The following GRIA3 variants were observed in gnomAD, a reference collection of about 807,000 sequenced individuals.
The protein encoded by GRIA3 is glutamate receptor 3.
GRIA3 carries 3 observed loss-of-function variants against 63.0 expected under a neutral mutation model. That is an observed-to-expected ratio of 0.05 (90% CI 0.02 to 0.12). The LOEUF (loss-of-function observed/expected upper bound fraction) is 0.12. Among genes scored for constraint, GRIA3 ranks in the 10% least tolerant of loss-of-function variants. GRIA3 has a pLI of 1.00. For synonymous variants in GRIA3, 274 were observed against 257.9 expected (o/e 1.06, Z -0.60); for missense variants, 347 against 700.9 (o/e 0.50, Z 5.70).
intron 4 of GRIA3, among the ~76,000 whole-genome samples, chrX:123,327,470 C>T (rs919849408): frequency 2.7e-5 from 3 of 111,418 alleles, no homozygotes; most frequent in Admixed American, 1.9e-4. Flanking sequence ...GCCAAAACAG[C>T]TTCAGAGATT....
At chrX:123,291,139 G>A (rs999108456) in intron 3 of GRIA3, among the ~76,000 whole-genome samples, 1 of 111,453 alleles carries the variant, frequency 9.0e-6, no homozygotes. Flanking sequence ...GATCAGGAAA[G>A]ACCTGAAACT....
chrX:123,345,286 A>C (rs2045037999), intron 4 of GRIA3, among the ~76,000 whole-genome samples: 1 of 110,826 alleles, frequency 9.0e-6, no homozygotes, highest in Admixed American at 9.6e-5. Context: ...GGAGATATGC[A>C]TCTTACTGAC....
chrX:123,362,816 C>T (rs1256252502), intron 5 of GRIA3, among the ~76,000 whole-genome samples: 2 of 111,838 alleles, frequency 1.8e-5, no homozygotes, highest in Admixed American at 9.4e-5. Flanking sequence ...ATACAAATAA[C>T]CCCCACTGAA....
At chrX:123,222,476 C>T (rs767367531) in intron 2 of GRIA3, among the ~76,000 whole-genome samples, 38 of 112,191 alleles carry the variant, frequency 3.4e-4, no homozygotes, top group African/African-American at 1.1e-3. Context: ...TAGTAACATT[C>T]GTTCTAGTCT....
chrX:123,214,886 C>T (rs1928122567), intron 2 of GRIA3, among the ~76,000 whole-genome samples: 3 of 111,744 alleles, frequency 2.7e-5, no homozygotes, highest in Admixed American at 9.5e-5. Context: ...GTCAGGAGCC[C>T]TACCTCAGAC....
At chrX:123,281,937 G>A (rs2062225596) in intron 3 of GRIA3, among the ~76,000 whole-genome samples, 1 of 111,465 alleles carries the variant, frequency 9.0e-6, no homozygotes, top group African/African-American at 3.3e-5. Context: ...GTGTGGCCTT[G>A]GAGAGTTTAT....
intron 15 of GRIA3, among the ~76,000 whole-genome samples, chrX:123,485,173 C>T (rs147858193): frequency 0.012 from 1,295 of 112,376 alleles, 16 homozygotes; most frequent in African/African-American, 0.039. Context: ...CAAAGTGATC[C>T]ACTTTCTTTC....
intron 4 of GRIA3, among the ~76,000 whole-genome samples, chrX:123,350,431 G>T (rs1488480926): frequency 9.0e-6 from 1 of 111,303 alleles, no homozygotes; most frequent in Non-Finnish European, 1.9e-5. Context: ...TTTCTAAAAT[G>T]TGAGCATAGA....
chrX:123,274,262 G>C (rs1603061977), intron 3 of GRIA3, among the ~76,000 whole-genome samples: 1 of 112,084 alleles, frequency 8.9e-6, no homozygotes, highest in African/African-American at 3.2e-5. Context: ...TGCTAGATCT[G>C]GTAACCCAAA....
intron 3 of GRIA3, among the ~76,000 whole-genome samples, chrX:123,266,749 T>C (rs1286511990): frequency 8.9e-6 from 1 of 111,836 alleles, no homozygotes; most frequent in South Asian, 3.7e-4. Context: ...TAACTACTAG[T>C]GCTCTATACT....
rs372655080 is a variant in GRIA3, at chrX:123,409,215, T to C, written c.1500+4301T>C. On this transcript the variant is annotated intron_variant, in intron 10 of 15. Coordinates refer to ENST00000620443, the MANE Select transcript of GRIA3 (RefSeq NM_007325.5). The stretch of plus-strand genomic sequence containing the variant: ...AGGCACTGCTTTATCTTAAGGGTAT[T>C]TCTCTTATGCTTTTAGTATGTAAAA... Among the ~76,000 whole-genome samples the C allele has an allele frequency of 2.2e-4, 25 of 112,124 alleles. No individual in the cohort carries two copies. In the East Asian group the frequency reaches 6.2e-3, roughly 28 times the overall value.
chrX:123,413,350 T>A (rs1324977384), intron 10 of GRIA3, among the ~76,000 whole-genome samples: 5 of 108,936 alleles, frequency 4.6e-5, no homozygotes, highest in African/African-American at 1.7e-4. Flanking sequence ...ACTTAAAAGA[T>A]GAAAAATACT....
intron 4 of GRIA3, among the ~76,000 whole-genome samples, chrX:123,334,444 T>C (rs1271127010): frequency 9.0e-6 from 1 of 110,658 alleles, no homozygotes; most frequent in Non-Finnish European, 1.9e-5. Context: ...AAATCCCCTC[T>C]GGGAAAATAA....
chrX:123,290,664 A>G (rs2044650594), intron 3 of GRIA3, among the ~76,000 whole-genome samples: 1 of 109,689 alleles, frequency 9.1e-6, no homozygotes, highest in Non-Finnish European at 1.9e-5. Flanking sequence ...TTTGCATTAG[A>G]CATCATAATC....
intron 2 of GRIA3, among the ~76,000 whole-genome samples, chrX:123,251,638 G>C (rs1475256396): frequency 1.8e-5 from 2 of 111,290 alleles, no homozygotes. Flanking sequence ...GTTTCACCGT[G>C]TTAGCCAGGG....
At chrX:123,335,551 C>T (rs1417352392) in intron 4 of GRIA3, among the ~76,000 whole-genome samples, 1 of 111,581 alleles carries the variant, frequency 9.0e-6, no homozygotes, top group Non-Finnish European at 1.9e-5. Flanking sequence ...TAAATCAAGG[C>T]CTTTTCTCCC....
intron 3 of GRIA3, among the ~76,000 whole-genome samples, chrX:123,323,669 A>G (rs1480104552): frequency 9.0e-6 from 1 of 111,563 alleles, no homozygotes; most frequent in Non-Finnish European, 1.9e-5. Flanking sequence ...GAGTGAGGCC[A>G]TTTTCCAGAT....
intron 2 of GRIA3, among the ~76,000 whole-genome samples, chrX:123,251,624 C>T (rs2044390475): frequency 2.7e-5 from 3 of 110,953 alleles, no homozygotes; most frequent in Admixed American, 9.5e-5. Context: ...TTAGTAGAGA[C>T]GGGGTTTCAC....
intron 4 of GRIA3, among the ~76,000 whole-genome samples, chrX:123,334,321 T>A (rs966165510): frequency 9.0e-6 from 1 of 111,515 alleles, no homozygotes; most frequent in Non-Finnish European, 1.9e-5. Context: ...GTAGCAGACA[T>A]CAATATTCTA....
Sources: allele counts gnomAD v4.1 joint callset (sites outside exome capture counted in the v4.1 genomes callset), GRCh38; gene constraint gnomAD v4.1.1; transcripts MANE v1.5; gene names NCBI Gene and HGNC (gene_info 2026-07-23, HGNC 2026-07-21).